Variants in SPMIP2 observed in about 807,000 individuals in gnomAD.
SPMIP2 encodes the protein protein SPMIP2.
the SPMIP2 span, among the ~76,000 whole-genome samples, chr4:158,967,847 A>G: frequency 6.6e-6 from 1 of 152,216 alleles, no homozygotes; most frequent in Non-Finnish European, 1.5e-5. Flanking sequence ...AGAAGAACGC[A>G]TAGAGTTAGT....
chr4:159,031,894 C>T, the SPMIP2 span, among the ~76,000 whole-genome samples: 1 of 152,144 alleles, frequency 6.6e-6, no homozygotes, highest in Non-Finnish European at 1.5e-5. Flanking sequence ...GGATTCATAT[C>T]TACTTCTTTG....
At chr4:158,927,222 C>T in the SPMIP2 span, among the ~76,000 whole-genome samples, 1 of 152,076 alleles carries the variant, frequency 6.6e-6, no homozygotes, top group African/African-American at 2.4e-5. Flanking sequence ...CCAGCTGGAT[C>T]TGGAGACTCT....
chr4:158,947,138 A>G, the SPMIP2 span, among the ~76,000 whole-genome samples: 1 of 152,150 alleles, frequency 6.6e-6, no homozygotes, highest in African/African-American at 2.4e-5. Flanking sequence ...AATGGGCACT[A>G]ATTATCTCAA....
the SPMIP2 span, among the ~76,000 whole-genome samples, chr4:158,924,441 G>A: frequency 6.6e-6 from 1 of 152,290 alleles, no homozygotes; most frequent in Admixed American, 6.5e-5. Flanking sequence ...GTGCAATGGT[G>A]CAATCTCTGC....
the SPMIP2 span, among the ~76,000 whole-genome samples, chr4:158,917,210 A>G: frequency 7.2e-5 from 11 of 152,260 alleles, no homozygotes; most frequent in East Asian, 1.9e-3. Flanking sequence ...AGATCACACC[A>G]CTGCACTCCA....
the SPMIP2 span, among the ~76,000 whole-genome samples, chr4:159,055,755 C>G: frequency 1.3e-5 from 2 of 151,898 alleles, no homozygotes; most frequent in African/African-American, 4.8e-5. Flanking sequence ...AAACGAAAAA[C>G]AAAAACACGA....
the SPMIP2 span, among the ~76,000 whole-genome samples, chr4:158,941,958 G>A: frequency 1.1e-4 from 16 of 152,132 alleles, no homozygotes; most frequent in Middle Eastern, 3.4e-3. Flanking sequence ...ATGTCTTACC[G>A]AACAGCTGCA....
At chr4:158,927,600 G>A in the SPMIP2 span, among the ~76,000 whole-genome samples, 4 of 152,348 alleles carry the variant, frequency 2.6e-5, no homozygotes, top group East Asian at 1.9e-4. Flanking sequence ...CCACTTTGGC[G>A]GCACTTGAGG....
chr4:158,979,531 A>G, the SPMIP2 span, among the ~76,000 whole-genome samples: 1 of 152,226 alleles, frequency 6.6e-6, no homozygotes. Flanking sequence ...TACCCGGCTC[A>G]TCTCACTGGA....
At chr4:159,003,558 T>A in the SPMIP2 span, among the ~76,000 whole-genome samples, 1 of 152,178 alleles carries the variant, frequency 6.6e-6, no homozygotes, top group South Asian at 2.1e-4. Context: ...GCTAATGCTA[T>A]TGTAGGCTGT....
the SPMIP2 span, among the ~76,000 whole-genome samples, chr4:158,925,496 A>G: frequency 6.6e-6 from 1 of 152,012 alleles, no homozygotes; most frequent in African/African-American, 2.4e-5. Flanking sequence ...ATGGAAGACA[A>G]TTTTTCCATG....
At chr4:158,969,252 G>A in the SPMIP2 span, among the ~76,000 whole-genome samples, 4 of 152,208 alleles carry the variant, frequency 2.6e-5, no homozygotes, top group East Asian at 7.7e-4. Flanking sequence ...AAAGGCCAGT[G>A]GAGAGGAGAT....
the SPMIP2 span, among the ~76,000 whole-genome samples, chr4:158,978,478 TTC>T: frequency 2.6e-5 from 4 of 152,204 alleles, no homozygotes; most frequent in African/African-American, 9.6e-5. Flanking sequence ...CTTGTTAATT[TTC>T]TGTCTTGTTG....
At chr4:159,052,306 T>C in the SPMIP2 span, among the ~76,000 whole-genome samples, 11 of 152,150 alleles carry the variant, frequency 7.2e-5, no homozygotes, top group African/African-American at 2.7e-4. Flanking sequence ...TGGACCTACA[T>C]TCCTGCATGG....
the SPMIP2 span, among the ~76,000 whole-genome samples, chr4:158,942,144 A>G: frequency 1.7e-4 from 26 of 152,378 alleles, no homozygotes; most frequent in Middle Eastern, 3.4e-3. Context: ...CCATCTTTAC[A>G]TATTGCTGTA....
chr4:158,896,568 C>T, the SPMIP2 span, among the ~76,000 whole-genome samples: 2 of 152,086 alleles, frequency 1.3e-5, no homozygotes, highest in Non-Finnish European at 2.9e-5. Context: ...TTTATAATGT[C>T]GACGTTTAAA....
chr4:159,049,420 G>A, the SPMIP2 span, among the ~76,000 whole-genome samples: 2 of 152,138 alleles, frequency 1.3e-5, no homozygotes, highest in Non-Finnish European at 2.9e-5. Context: ...ATTGATTAAG[G>A]GATAGAATGC....
chr4:159,014,230 G>A, the SPMIP2 span, among the ~76,000 whole-genome samples: 7 of 152,102 alleles, frequency 4.6e-5, no homozygotes, highest in Non-Finnish European at 7.4e-5. Flanking sequence ...CGAAGTGGGC[G>A]GATCACAAGG....
the SPMIP2 span, among the ~76,000 whole-genome samples, chr4:158,974,613 C>T: frequency 9.2e-5 from 14 of 152,152 alleles, no homozygotes. Context: ...CAGCTTCATT[C>T]ATGTCCCTCC....
Sources: allele counts gnomAD v4.1 joint callset (sites outside exome capture counted in the v4.1 genomes callset), GRCh38; gene constraint gnomAD v4.1.1; transcripts MANE v1.5; gene names NCBI Gene and HGNC (gene_info 2026-07-23, HGNC 2026-07-21).